Variants in MIPOL1 observed in about 807,000 individuals in gnomAD.
MIPOL1 encodes mirror-image polydactyly 1, also known as mirror-image polydactyly gene 1 protein.
In MIPOL1, 57 loss-of-function variants were observed where a neutral mutation model predicts 60.9. The ratio of observed to expected loss-of-function variants is 0.94; its 90% CI spans 0.76 to 1.17. The LOEUF (loss-of-function observed/expected upper bound fraction) is 1.17. Ranked by LOEUF, MIPOL1 falls within the 50% of genes most tolerant of loss-of-function variation. The pLI is 0.00. For missense variants in MIPOL1, 551 were observed against 511.6 expected (o/e 1.08, Z -0.74); for synonymous variants, 179 against 168.8 (o/e 1.06, Z -0.47).
At chr14:37,398,425 T>A (rs2093419105) in intron 10 of MIPOL1, among the ~76,000 whole-genome samples, 1 of 152,110 alleles carries the variant, frequency 6.6e-6, no homozygotes, top group Admixed American at 6.5e-5. Context: ...GAGCTAAAAT[T>A]CGCAATGTGA....
chr14:37,270,147 G>A (rs890433358), intron 5 of MIPOL1, among the ~76,000 whole-genome samples: 1 of 151,982 alleles, frequency 6.6e-6, no homozygotes, highest in Non-Finnish European at 1.5e-5. Context: ...TTATTTTTAA[G>A]AATAATGTTG....
chr14:37,219,436 C>G (rs574925045), intron 1 of MIPOL1: 15 of 152,346 alleles, frequency 9.8e-5, no homozygotes, highest in Non-Finnish European at 1.5e-4. Flanking sequence ...GGTGTGATCA[C>G]TGTTCACTGC....
At chr14:37,538,867 C>T (rs1051590564) in intron 12 of MIPOL1, among the ~76,000 whole-genome samples, 2 of 152,184 alleles carry the variant, frequency 1.3e-5, no homozygotes, top group Non-Finnish European at 2.9e-5. Flanking sequence ...TGCCACCCAG[C>T]CCCAGTGGAC....
chr14:37,496,730 G>A (rs1392818033), intron 11 of MIPOL1, among the ~76,000 whole-genome samples: 1 of 151,996 alleles, frequency 6.6e-6, no homozygotes, highest in South Asian at 2.1e-4. Context: ...TACTGCCCAA[G>A]GTAATTTACA....
chr14:37,434,774 T>C lies in MIPOL1; in HGVS notation c.1031+11825T>C, dbSNP rs2094136298. On this transcript the variant is annotated intron_variant, in intron 11 of 12. Coordinates refer to ENST00000684589, the MANE Select transcript of MIPOL1 (RefSeq NM_001388067.1). ...TTAGGGGATCTCTGTCTTCCACTGA[T>C]TGGATAAGGTCTACTCATAATTATA... Among the ~76,000 whole-genome samples, 5 of 151,706 alleles carry C rather than the reference T, an allele frequency of 3.3e-5. No homozygotes were observed. In the South Asian group the frequency reaches 1.0e-3, roughly 32 times the overall value.
At chr14:37,336,953 G>T (rs1002348726) in intron 9 of MIPOL1, among the ~76,000 whole-genome samples, 2 of 151,656 alleles carry the variant, frequency 1.3e-5, no homozygotes, top group African/African-American at 2.4e-5. Context: ...GTAGAGATGG[G>T]GTTTCACCAT....
intron 9 of MIPOL1, among the ~76,000 whole-genome samples, chr14:37,313,462 T>G (rs1348170762): frequency 6.6e-6 from 1 of 152,094 alleles, no homozygotes; most frequent in Non-Finnish European, 1.5e-5. Flanking sequence ...AAGGATAATA[T>G]TGTAGAGCTC....
intron 11 of MIPOL1, among the ~76,000 whole-genome samples, chr14:37,484,256 T>G (rs966366412): frequency 6.6e-6 from 1 of 152,128 alleles, no homozygotes; most frequent in Non-Finnish European, 1.5e-5. Flanking sequence ...TTTTCAGCCA[T>G]TGTTTCTTTA....
intron 9 of MIPOL1, among the ~76,000 whole-genome samples, chr14:37,340,375 A>G (rs2090475627): frequency 6.6e-6 from 1 of 152,174 alleles, no homozygotes; most frequent in African/African-American, 2.4e-5. Flanking sequence ...GCTTATTACA[A>G]TAGTCAAATA....
At chr14:37,382,233 T>C (rs12879895) in intron 10 of MIPOL1, among the ~76,000 whole-genome samples, 33,264 of 151,972 alleles carry the variant, frequency 0.22, 4,115 homozygotes, top group South Asian at 0.36. Flanking sequence ...AATTCTTTGA[T>C]GAATTGCAGT....
chr14:37,231,584 T>C (rs1274892735), intron 1 of MIPOL1, among the ~76,000 whole-genome samples: 8 of 152,264 alleles, frequency 5.3e-5, no homozygotes, highest in Non-Finnish European at 1.2e-4. Flanking sequence ...TAAAAAGTAG[T>C]ATCAGGTGTG....
At chr14:37,468,190 G>C (rs929559032) in intron 11 of MIPOL1, among the ~76,000 whole-genome samples, 1 of 151,814 alleles carries the variant, frequency 6.6e-6, no homozygotes, top group East Asian at 1.9e-4. Flanking sequence ...GTGTGCAATT[G>C]TGTGTGTGTA....
intron 7 of MIPOL1, among the ~76,000 whole-genome samples, chr14:37,298,154 A>G (rs1432212097): frequency 6.6e-6 from 1 of 152,184 alleles, no homozygotes. Flanking sequence ...CCGCATATCT[A>G]CAACTATCTG....
At chr14:37,447,638 G>A (rs1385147257) in intron 11 of MIPOL1, among the ~76,000 whole-genome samples, 1 of 152,078 alleles carries the variant, frequency 6.6e-6, no homozygotes, top group Non-Finnish European at 1.5e-5. Context: ...GTAAGAATAA[G>A]AACATGTTAA....
At chr14:37,491,318 CAGG>C (rs1212060891) in intron 11 of MIPOL1, among the ~76,000 whole-genome samples, 1 of 152,156 alleles carries the variant, frequency 6.6e-6, no homozygotes, top group Non-Finnish European at 1.5e-5. Context: ...CACTTGAGAT[CAGG>C]AGATCAAGAT....
chr14:37,509,026 T>G (rs1446028400), intron 12 of MIPOL1, among the ~76,000 whole-genome samples: 2 of 152,138 alleles, frequency 1.3e-5, no homozygotes, highest in Non-Finnish European at 2.9e-5. Context: ...TTTCGGGGAT[T>G]ACATCTCCCA....
chr14:37,294,119 G>C (rs1467706634), intron 7 of MIPOL1, among the ~76,000 whole-genome samples: 1 of 152,150 alleles, frequency 6.6e-6, no homozygotes, highest in East Asian at 1.9e-4. Flanking sequence ...AACTTCTAGA[G>C]GAACGATCAG....
chr14:37,323,797 C>G (rs1433933865), intron 9 of MIPOL1, among the ~76,000 whole-genome samples: 1 of 151,892 alleles, frequency 6.6e-6, no homozygotes, highest in Non-Finnish European at 1.5e-5. Flanking sequence ...AACAACTTTT[C>G]TGATTTTTTT....
intron 11 of MIPOL1, among the ~76,000 whole-genome samples, chr14:37,494,613 TAA>T (rs1213507260): frequency 6.6e-6 from 1 of 152,140 alleles, no homozygotes; most frequent in Non-Finnish European, 1.5e-5. Context: ...AGTGCAGACA[TAA>T]AGACTGTAGG....
Sources: allele counts gnomAD v4.1 joint callset (sites outside exome capture counted in the v4.1 genomes callset), GRCh38; gene constraint gnomAD v4.1.1; transcripts MANE v1.5; gene names NCBI Gene and HGNC (gene_info 2026-07-23, HGNC 2026-07-21).